Variants in VWA3B observed in about 807,000 individuals in gnomAD.
The protein encoded by VWA3B is von Willebrand factor A domain containing 3B, also known as von Willebrand factor A domain-containing protein 3B.
A neutral mutation model predicts 158.3 loss-of-function variants in VWA3B; 138 were observed. The ratio of observed to expected loss-of-function variants is 0.87; its 90% CI spans 0.76 to 1.00. The LOEUF is 1.00. Ranked by LOEUF, VWA3B falls within the 50% of genes least tolerant of loss-of-function variation. VWA3B has a pLI of 0.00. For missense variants in VWA3B, 1,555 were observed against 1,565.1 expected, an observed-to-expected ratio of 0.99 and a Z score of 0.11; for synonymous variants, 596 against 587.3, an observed-to-expected ratio of 1.01 and a Z score of -0.21.
intron 25 of VWA3B, among the ~76,000 whole-genome samples, chr2:98,300,892 A>G (rs532433395): frequency 2.6e-5 from 4 of 151,910 alleles, no homozygotes; most frequent in South Asian, 2.1e-4. Context: ...CCCATCTCCT[A>G]CTTACCTAGG....
intron 7 of VWA3B, among the ~76,000 whole-genome samples, chr2:98,154,868 T>C (rs1347513058): frequency 1.3e-5 from 2 of 152,178 alleles, no homozygotes; most frequent in Admixed American, 6.5e-5. Flanking sequence ...ACATTTACTA[T>C]TGCAAAGTTG....
chr2:98,218,074 A>T, intron 14 of VWA3B, 46 bp downstream of exon 14: 1 of 1,543,470 alleles, frequency 6.5e-7, no homozygotes, highest in Non-Finnish European at 8.7e-7. Context: ...TTGTTTGAGC[A>T]TTACAGGCTG....
At position 98,312,911 on chromosome 2, in the gene VWA3B, G is replaced by A. The variant is rs1203649921; in HGVS notation, c.*562G>A. 1 of 152,214 alleles carries A rather than the reference G, an allele frequency of 6.6e-6. No homozygotes were observed. The highest frequency in any genetic ancestry group is 1.9e-4 in the East Asian group (1 of 5,200). 9.4% of individuals were successfully genotyped at this position (152,214 alleles called of 1,614,324 possible). A position where few individuals can be genotyped will look rare whatever the true frequency, so the allele number is the denominator to read the frequency against. On this transcript the variant is annotated 3_prime_UTR_variant, in exon 28 of 28. Transcript: ENST00000477737. ...GTAACTCTAATTGAGCCCGAAACCA[G>A]AATAAAAACTCTTACATTGGAAACA... is the stretch of plus-strand genomic sequence containing the variant.
rs1302034902 is a variant in VWA3B, at chr2:98,255,180, A to ATTTTTTTTTTTTTTTTT, written c.2793-943_2793-942insTTTTTTTTTTTTTTTTT. ...AGTCGCCCGCCACCACGCCCGGCTGATATTTTTTTTTTTTTTTTTTTTTTT... is the reference window on the plus strand; with the variant it reads ...AGTCGCCCGCCACCACGCCCGGCTGATTTTTTTTTTTTTTTTTTATTTTTTTTTTTTTTTTTTTTTTT... On this transcript the variant is annotated intron_variant, in intron 20 of 27. Coordinates refer to ENST00000477737, the MANE Select transcript of VWA3B (RefSeq NM_144992.5). 6.1e-5 allele frequency among the ~76,000 whole-genome samples: 4 copies of ATTTTTTTTTTTTTTTTT among 65,902 alleles called. 1 individual carries two copies. Among genetic ancestry groups the ATTTTTTTTTTTTTTTTT allele is most frequent in the African/African-American group, 2.0e-4 (3 of 15,248 alleles). The allele number at this position is 65,902 out of a possible 152,430, so 43.2% of individuals were successfully genotyped here. A position where few individuals can be genotyped will look rare whatever the true frequency, so the allele number is the denominator to read the frequency against.
the VWA3B span, among the ~76,000 whole-genome samples, chr2:98,325,193 C>T: frequency 6.6e-6 from 1 of 152,004 alleles, no homozygotes. Flanking sequence ...CAGTGAATCC[C>T]AGAGTAAATA....
At chr2:98,229,439 C>T (rs139729514) in intron 15 of VWA3B, among the ~76,000 whole-genome samples, 3 of 152,318 alleles carry the variant, frequency 2.0e-5, no homozygotes, top group African/African-American at 4.8e-5. Context: ...GCAGAAATTG[C>T]TCTGGAAGTT....
chr2:98,132,243 G>T (rs1015823614), intron 6 of VWA3B, among the ~76,000 whole-genome samples: 1 of 152,254 alleles, frequency 6.6e-6, no homozygotes, highest in Non-Finnish European at 1.5e-5. Context: ...CTGGGCCTTT[G>T]CAGGCAAGCG....
chr2:98,194,544 T>TA (rs1264701040), intron 12 of VWA3B, 52 bp downstream of exon 12: 2 of 1,587,666 alleles, frequency 1.3e-6, no homozygotes, highest in Non-Finnish European at 1.7e-6. Context: ...CTCACCTGTG[T>TA]ACTGAGTTCA....
chr2:98,157,432 A>G (rs1008437138), intron 7 of VWA3B, among the ~76,000 whole-genome samples: 2 of 152,206 alleles, frequency 1.3e-5, no homozygotes, highest in African/African-American at 2.4e-5. Flanking sequence ...ATCTTAACAT[A>G]TAATATAATA....
chr2:98,310,526 C>T (rs1477908772), intron 26 of VWA3B, among the ~76,000 whole-genome samples: 3 of 152,126 alleles, frequency 2.0e-5, no homozygotes, highest in Non-Finnish European at 4.4e-5. Context: ...ATCATGGATC[C>T]TAACTCATGG....
At chr2:98,103,787 G>A (rs1380380112) in intron 2 of VWA3B, among the ~76,000 whole-genome samples, 1 of 152,162 alleles carries the variant, frequency 6.6e-6, no homozygotes, top group Non-Finnish European at 1.5e-5. Flanking sequence ...AAAGATGGTT[G>A]AAAGTCTTGG....
intron 23 of VWA3B, among the ~76,000 whole-genome samples, chr2:98,292,482 G>C (rs1214617228): frequency 6.6e-6 from 1 of 152,128 alleles, no homozygotes; most frequent in Non-Finnish European, 1.5e-5. Context: ...ATGGATCCCA[G>C]CACTTGGGAT....
At chr2:98,204,941 T>G (rs1019929707) in intron 12 of VWA3B, among the ~76,000 whole-genome samples, 1 of 152,108 alleles carries the variant, frequency 6.6e-6, no homozygotes, top group African/African-American at 2.4e-5. Flanking sequence ...GAAAACCCCG[T>G]CTCTACTTAA....
intron 8 of VWA3B, 58 bp from the exon 9 acceptor site, chr2:98,180,958 G>A (rs1680518814): frequency 6.5e-7 from 1 of 1,535,236 alleles, no homozygotes; most frequent in Non-Finnish European, 8.9e-7. Flanking sequence ...TATTAAGTTG[G>A]GGGTGTAATA....
intron 23 of VWA3B, among the ~76,000 whole-genome samples, chr2:98,292,398 G>A (rs1689549586): frequency 6.6e-6 from 1 of 151,896 alleles, no homozygotes; most frequent in South Asian, 2.1e-4. Context: ...GGGCACATAT[G>A]TACAACTGAC....
intron 21 of VWA3B, among the ~76,000 whole-genome samples, chr2:98,267,880 T>C (rs1189489766): frequency 6.6e-6 from 1 of 152,014 alleles, no homozygotes; most frequent in Non-Finnish European, 1.5e-5. Flanking sequence ...CCCACAGAAA[T>C]ACAAACTACC....
At chr2:98,189,322 G>A (rs867661241) in intron 10 of VWA3B, among the ~76,000 whole-genome samples, 1 of 152,312 alleles carries the variant, frequency 6.6e-6, no homozygotes. Context: ...CAGGAGAATC[G>A]CTTGAACCCG....
chr2:98,316,368 C>T (rs145680540), downstream of VWA3B, among the ~76,000 whole-genome samples: 3 of 152,228 alleles, frequency 2.0e-5, no homozygotes, highest in Middle Eastern at 3.4e-3. Flanking sequence ...TCTGGCTGGG[C>T]GCGGTGGCTC....
rs561780467 is a variant in VWA3B at position 98,094,701 on chromosome 2, G to A, written c.196+1413G>A. Among the ~76,000 whole-genome samples, 65 of 152,144 alleles carry A rather than the reference G, an allele frequency of 4.3e-4. 2 individuals carry two copies. In the South Asian group the frequency reaches 0.013, roughly 32 times the overall value. On this transcript the variant is annotated intron_variant, in intron 2 of 27. Coordinates refer to ENST00000477737, the MANE Select transcript of VWA3B (RefSeq NM_144992.5). ...GTCATATCCAAAAAATCATCACCCA[G>A]ATCGATGTCATAGATCTTTTCCCTT...
Sources: allele counts gnomAD v4.1 joint callset (sites outside exome capture counted in the v4.1 genomes callset), GRCh38; gene constraint gnomAD v4.1.1; transcripts MANE v1.5; gene names NCBI Gene and HGNC (gene_info 2026-07-23, HGNC 2026-07-21).